Variants in PSMG2 observed in about 807,000 individuals in gnomAD.
PSMG2 encodes CD40 ligand-activated specific transcript 3.
In PSMG2, 21 loss-of-function variants were observed where a neutral mutation model predicts 31.5. That is an observed-to-expected ratio of 0.67 (90% CI 0.47 to 0.96). PSMG2 has a LOEUF of 0.96. Among genes scored for constraint, PSMG2 ranks in the 40% least tolerant of loss-of-function variants. PSMG2 has a pLI of 0.00. For missense variants in PSMG2, 318 were observed against 321.2 expected (o/e 0.99, Z 0.08); for synonymous variants, 120 against 110.4 (o/e 1.09, Z -0.54).
chr18:12,701,218 C>T, upstream of PSMG2: 1 of 768,492 alleles, frequency 1.3e-6, no homozygotes, highest in Non-Finnish European at 2.1e-6. Flanking sequence ...CAATTGTTAC[C>T]ACAATTGAAT....
chr18:12,697,721 C>T (rs1227330034), intron 1 of PSMG2, among the ~76,000 whole-genome samples: 1 of 152,170 alleles, frequency 6.6e-6, no homozygotes, highest in Non-Finnish European at 1.5e-5. Context: ...AATAAAAAGC[C>T]TTCAAGTATG....
At chr18:12,695,077 C>A (rs898306462) in intron 1 of PSMG2, among the ~76,000 whole-genome samples, 1 of 152,138 alleles carries the variant, frequency 6.6e-6, no homozygotes, top group African/African-American at 2.4e-5. Flanking sequence ...ACAGATTCTG[C>A]TAGGAAAACA....
upstream of PSMG2, chr18:12,700,028 C>A: frequency 2.1e-6 from 1 of 481,040 alleles, no homozygotes; most frequent in South Asian, 5.3e-5. Context: ...TCAAAGAACC[C>A]CTTATTTTCC....
intron 1 of PSMG2, chr18:12,684,277 G>C (rs1344996779): frequency 2.0e-5 from 3 of 151,286 alleles, no homozygotes; most frequent in African/African-American, 7.3e-5. Context: ...CCCATGCCTG[G>C]GTAATTTTTA....
At chr18:12,681,422 T>C (rs898102202) in intron 1 of PSMG2, among the ~76,000 whole-genome samples, 1 of 151,548 alleles carries the variant, frequency 6.6e-6, no homozygotes, top group African/African-American at 2.4e-5. Flanking sequence ...AATTTTAAAA[T>C]TTTTTTTGTA....
chr18:12,720,697 C>T lies in PSMG2; in HGVS notation c.581+14C>T. 5 of 1,601,596 alleles carry T rather than the reference C, an allele frequency of 3.1e-6. No individual in the cohort carries two copies. In the South Asian group the frequency reaches 4.5e-5, roughly 14 times the overall value. On this transcript the variant is annotated intron_variant, in intron 5 of 6. Coordinates refer to ENST00000317615, the MANE Select transcript of PSMG2 (RefSeq NM_020232.5). ...CTATGATGAAAGGTGAGTTTGTTTG[C>T]CTGTTCATTTGTTTCCCACTTTACT...
In PSMG2 at chr18:12,710,036, G is replaced by A. The variant is rs9960433; in HGVS notation, c.230-2666G>A. 2.8e-3 allele frequency among the ~76,000 whole-genome samples: 421 copies of A among 151,240 alleles called. 2 individuals are homozygous for A. The highest frequency in any genetic ancestry group is 9.8e-3 in the African/African-American group (401 of 41,098). Reference sequence around the variant, plus strand: ...CGGCTCACTGCAAGCTCTGCCTCCCGGGTTCACGCCATTCTTCCGCCTCAG... The same window carrying A: ...CGGCTCACTGCAAGCTCTGCCTCCCAGGTTCACGCCATTCTTCCGCCTCAG... On this transcript the variant is annotated intron_variant, in intron 2 of 6. Transcript: ENST00000317615.
upstream of PSMG2, among the ~76,000 whole-genome samples, chr18:12,701,603 G>A (rs1194483013): frequency 6.6e-6 from 1 of 152,174 alleles, no homozygotes; most frequent in Non-Finnish European, 1.5e-5. Context: ...ATACTAGACA[G>A]CACAAAGCCT....
intron 1 of PSMG2, among the ~76,000 whole-genome samples, chr18:12,664,643 C>T (rs1315327766): frequency 6.6e-6 from 1 of 151,924 alleles, no homozygotes; most frequent in African/African-American, 2.4e-5. Flanking sequence ...CCTTGGCCTC[C>T]CAAAGTGCTG....
intron 1 of PSMG2, chr18:12,684,654 T>C (rs1045801255): frequency 3.9e-5 from 6 of 151,938 alleles, no homozygotes; most frequent in African/African-American, 1.5e-4. Context: ...CTAATTTTTG[T>C]ATTTTTTCAG....
chr18:12,686,083 A>T, intron 1 of PSMG2: 1 of 488,786 alleles, frequency 2.0e-6, no homozygotes, highest in Non-Finnish European at 3.6e-6. Flanking sequence ...TATTATTGTA[A>T]TTTTTTACTT....
At chr18:12,686,188 C>A (rs972736121) in intron 1 of PSMG2, 1 of 1,260,838 alleles carries the variant, frequency 7.9e-7, no homozygotes, top group African/African-American at 1.5e-5. Context: ...CTAAGGCATT[C>A]TTTTACAAAT....
chr18:12,683,819 T>G (rs2039439437), intron 1 of PSMG2, among the ~76,000 whole-genome samples: 1 of 151,896 alleles, frequency 6.6e-6, no homozygotes, highest in African/African-American at 2.4e-5. Context: ...GCATAATGCT[T>G]AATTATAAAG....
chr18:12,685,346 C>G (rs1539813), intron 1 of PSMG2: 22,736 of 152,104 alleles, frequency 0.15, 1,804 homozygotes, highest in Admixed American at 0.24. Context: ...AATTGCAACA[C>G]ATCAGTAGTA....
chr18:12,660,086 A>G (rs1467404595), intron 1 of PSMG2, among the ~76,000 whole-genome samples: 1 of 152,174 alleles, frequency 6.6e-6, no homozygotes, highest in Non-Finnish European at 1.5e-5. Flanking sequence ...TTGGACAACT[A>G]CAGCCAAACA....
chr18:12,699,901 C>G (rs766559049), upstream of PSMG2: 1 of 1,589,286 alleles, frequency 6.3e-7, no homozygotes, highest in South Asian at 1.2e-5. Context: ...TTGCTCAACA[C>G]TGTCCTAGAA....
At chr18:12,662,113 G>A (rs1293021447) in intron 1 of PSMG2, 1 of 442,052 alleles carries the variant, frequency 2.3e-6, no homozygotes, top group Admixed American at 2.5e-5. Context: ...CCATCACTGT[G>A]CAGCCCAAGC....
chr18:12,703,884 A>G (rs570200407), intron 1 of PSMG2, among the ~76,000 whole-genome samples: 2 of 152,294 alleles, frequency 1.3e-5, no homozygotes, highest in East Asian at 3.9e-4. Flanking sequence ...ATGGATGTCT[A>G]AAACAGAGTC....
In PSMG2 at chr18:12,718,484, ATTTTCT is replaced by A. The variant is rs771627920; in HGVS notation, c.289-28_289-23del. ...TGTATGCTCTAAGACTAACTTTTAG[ATTTTCT>A]TTTTATTCTCTCAATGGTGTGCAAA... On this transcript the variant is annotated intron_variant, in intron 3 of 6. Transcript: ENST00000317615. 22 of 1,409,472 alleles carry A rather than the reference ATTTTCT, an allele frequency of 1.6e-5. No homozygotes were observed. The Middle Eastern group carries it at 7.3e-4, about 47-fold the overall frequency. 87.3% of individuals were successfully genotyped at this position (1,409,472 alleles called of 1,614,324 possible). A position where few individuals can be genotyped will look rare whatever the true frequency, so the allele number is the denominator to read the frequency against.
Sources: allele counts gnomAD v4.1 joint callset (sites outside exome capture counted in the v4.1 genomes callset), GRCh38; gene constraint gnomAD v4.1.1; transcripts MANE v1.5; gene names NCBI Gene and HGNC (gene_info 2026-07-23, HGNC 2026-07-21).